Variants in TFPI observed in about 807,000 individuals in gnomAD.
TFPI encodes the protein tissue factor pathway inhibitor.
TFPI carries 15 observed loss-of-function variants against 34.6 expected under a neutral mutation model. The ratio of observed to expected loss-of-function variants is 0.43; its 90% CI spans 0.29 to 0.67. The LOEUF is 0.67. TFPI is among the 30% of genes least tolerant of loss of function. The pLI is 0.15. For missense variants in TFPI, 301 were observed against 364.0 expected (o/e 0.83, Z 1.41); for synonymous variants, 105 against 120.1 (o/e 0.87, Z 0.82).
chr2:187,548,781 C>G (rs1688988578), intron 1 of TFPI, among the ~76,000 whole-genome samples: 1 of 151,930 alleles, frequency 6.6e-6, no homozygotes, highest in African/African-American at 2.4e-5. Flanking sequence ...GAGTTTTATC[C>G]AGAGCTCACC....
At chr2:187,548,094 T>A (rs1574544235) in intron 1 of TFPI, among the ~76,000 whole-genome samples, 1 of 152,188 alleles carries the variant, frequency 6.6e-6, no homozygotes, top group East Asian at 1.9e-4. Flanking sequence ...GACAGAGTTA[T>A]ACAGAAAGAA....
intron 6 of TFPI, among the ~76,000 whole-genome samples, chr2:187,472,563 CT>C (rs8176570): frequency 6.6e-6 from 1 of 152,144 alleles, no homozygotes; most frequent in Non-Finnish European, 1.5e-5. Flanking sequence ...CTATTCAACA[CT>C]TTTTTCTTCC....
chr2:187,532,762 C>G (rs571013463), intron 1 of TFPI, among the ~76,000 whole-genome samples: 1 of 152,238 alleles, frequency 6.6e-6, no homozygotes, highest in Non-Finnish European at 1.5e-5. Context: ...GGGCTTAAGC[C>G]AGGGAGGCAA....
intron 1 of TFPI, among the ~76,000 whole-genome samples, chr2:187,548,948 A>G (rs73982957): frequency 0.014 from 2,174 of 152,236 alleles, 54 homozygotes; most frequent in African/African-American, 0.049. Flanking sequence ...GAATTAGAAT[A>G]AAATTATTAC....
At chr2:187,471,194 A>C (rs1692013499) in intron 6 of TFPI, among the ~76,000 whole-genome samples, 1 of 152,196 alleles carries the variant, frequency 6.6e-6, no homozygotes, top group African/African-American at 2.4e-5. Context: ...CTAATACGTA[A>C]ACTAATTCAT....
chr2:187,497,228 G>A (rs1227793704), intron 2 of TFPI, 150 bp from the exon 3 acceptor site: 2 of 766,438 alleles, frequency 2.6e-6, no homozygotes, highest in East Asian at 5.5e-5. Context: ...TATCAAAATG[G>A]TAGATAAAGT....
At position 187,503,743 on chromosome 2, in the gene TFPI, T is replaced by G. The variant is rs769002181; in HGVS notation, c.26A>C (p.His9Pro). The G allele has an allele frequency of 6.2e-7, 1 of 1,613,068 alleles. No individual in the cohort carries two copies. Among genetic ancestry groups the G allele is most frequent in the East Asian group, 2.2e-5 (1 of 44,834 alleles). MIYTMKKV[H>P]ALWASVCLLL... Reference sequence around the variant, plus strand: ...CAGGCATACAGAAGCCCAAAGTGCATGTACTTTCTTCATTGTGTAAATCAT... The same window carrying G: ...CAGGCATACAGAAGCCCAAAGTGCAGGTACTTTCTTCATTGTGTAAATCAT... Residue 9 changes from histidine to proline, a missense_variant, in exon 2 of 8, where the codon CAT becomes CCT. His to Pro is a moderately conservative substitution (Grantham distance 77). Transcript: ENST00000233156.
At chr2:187,497,155 A>G in intron 2 of TFPI, 77 bp from the exon 3 acceptor site, 3 of 1,315,736 alleles carry the variant, frequency 2.3e-6, no homozygotes, top group Non-Finnish European at 3.1e-6. Context: ...CCTTTTTAAT[A>G]TGTCCTGATT....
At chr2:187,492,676 C>G (rs1446701926) in intron 3 of TFPI, among the ~76,000 whole-genome samples, 1 of 152,178 alleles carries the variant, frequency 6.6e-6, no homozygotes, top group Non-Finnish European at 1.5e-5. Context: ...TAGGATTTGA[C>G]TGCCCTGCTG....
chr2:187,497,741 A>G (rs1029547496), intron 2 of TFPI, among the ~76,000 whole-genome samples: 1 of 151,962 alleles, frequency 6.6e-6, no homozygotes, highest in African/African-American at 2.4e-5. Flanking sequence ...CCTAATTTTC[A>G]TAACAGAATT....
At chr2:187,490,660 C>A (rs1030968208) in intron 3 of TFPI, among the ~76,000 whole-genome samples, 2 of 151,468 alleles carry the variant, frequency 1.3e-5, no homozygotes, top group Admixed American at 1.3e-4. Context: ...TTTATTTTTG[C>A]ATACAGAGTG....
intron 2 of TFPI, among the ~76,000 whole-genome samples, chr2:187,501,559 C>G (rs1451300958): frequency 1.3e-5 from 2 of 151,890 alleles, no homozygotes; most frequent in African/African-American, 4.8e-5. Flanking sequence ...AGAAAATGTG[C>G]CAGATGCTTT....
chr2:187,470,718 A>G (rs1433022536), intron 6 of TFPI, among the ~76,000 whole-genome samples: 4 of 152,188 alleles, frequency 2.6e-5, no homozygotes, highest in African/African-American at 9.7e-5. Context: ...TTTGAGAGCA[A>G]ACAGACAGTT....
At chr2:187,487,938 T>C (rs1432116796) in intron 4 of TFPI, among the ~76,000 whole-genome samples, 1 of 151,344 alleles carries the variant, frequency 6.6e-6, no homozygotes, top group Non-Finnish European at 1.5e-5. Flanking sequence ...AAGTTAAGAC[T>C]CAAAATATCT....
intron 1 of TFPI, among the ~76,000 whole-genome samples, chr2:187,537,807 C>T (rs1456654516): frequency 2.0e-5 from 3 of 152,158 alleles, no homozygotes; most frequent in Admixed American, 6.5e-5. Context: ...AGGCAACCTA[C>T]AGAATGGGAG....
At chr2:187,476,763 A>T (rs2105976266) in intron 6 of TFPI, among the ~76,000 whole-genome samples, 1 of 152,340 alleles carries the variant, frequency 6.6e-6, no homozygotes, top group African/African-American at 2.4e-5. Context: ...TATTTCTACC[A>T]CATTACTAAG....
At chr2:187,545,387 T>C (rs765783417) in intron 1 of TFPI, among the ~76,000 whole-genome samples, 2 of 152,180 alleles carry the variant, frequency 1.3e-5, no homozygotes, top group Non-Finnish European at 2.9e-5. Flanking sequence ...AAAATGGAGA[T>C]GAGGTCACAC....
chr2:187,481,054 A>G (rs922444273), intron 6 of TFPI, among the ~76,000 whole-genome samples: 15 of 152,152 alleles, frequency 9.9e-5, no homozygotes, highest in African/African-American at 3.6e-4. Flanking sequence ...GAAGAAAAAC[A>G]TTAAAATTAT....
intron 6 of TFPI, among the ~76,000 whole-genome samples, chr2:187,476,995 C>T (rs1302593378): frequency 6.6e-6 from 1 of 152,044 alleles, no homozygotes; most frequent in Non-Finnish European, 1.5e-5. Flanking sequence ...AGTAATTTGG[C>T]TTACAAATTG....
Sources: gnomAD v4.1 joint callset for allele counts (sites outside exome capture counted in the v4.1 genomes callset) on GRCh38, gnomAD v4.1.1 for gene constraint, MANE v1.5 for transcripts, NCBI Gene and HGNC (gene_info 2026-07-23, HGNC 2026-07-21) for gene names.